The following LRRC7 variants were observed in gnomAD, a reference collection of about 807,000 sequenced individuals.
LRRC7 encodes the protein leucine-rich repeat-containing protein 7.
LRRC7 carries 23 observed loss-of-function variants against 175.7 expected under a neutral mutation model. The ratio of observed to expected loss-of-function variants is 0.13; its 90% confidence interval spans 0.09 to 0.19. The LOEUF (loss-of-function observed/expected upper bound fraction) is 0.19, where lower values mean the gene tolerates loss of function less well. Among genes scored for constraint, LRRC7 ranks in the 10% least tolerant of loss-of-function variants. The pLI is 1.00. For synonymous variants in LRRC7, 685 were observed against 680.9 expected (o/e 1.01, Z -0.09); for missense variants, 1,354 against 1,904.7 (o/e 0.71, Z 5.38).
chr1:69,742,580 T>G (rs955125522), intron 2 of LRRC7, among the ~76,000 whole-genome samples: 1 of 151,960 alleles, frequency 6.6e-6, no homozygotes, highest in Non-Finnish European at 1.5e-5. Context: ...CTGTGAGATA[T>G]CTCAGCAACC....
At chr1:70,009,911 A>G (rs902636973) in intron 11 of LRRC7, among the ~76,000 whole-genome samples, 2 of 152,218 alleles carry the variant, frequency 1.3e-5, no homozygotes, top group East Asian at 3.9e-4. Flanking sequence ...GCTTAGCTGC[A>G]CACAGACTTG....
intron 2 of LRRC7, among the ~76,000 whole-genome samples, chr1:69,718,034 AGAAAG>A (rs561488431): frequency 1.2e-3 from 182 of 149,176 alleles, no homozygotes; most frequent in Admixed American, 2.7e-3. Context: ...AAGAAAAAGA[AGAAAG>A]GAGAGGGAGA....
chr1:69,610,344 A>G (rs533101755), intron 1 of LRRC7, among the ~76,000 whole-genome samples: 46 of 152,142 alleles, frequency 3.0e-4, no homozygotes, highest in African/African-American at 9.9e-4. Flanking sequence ...TATTTTATCT[A>G]TGGTGCTGTG....
chr1:69,982,508 T>TC (rs1394021327), intron 9 of LRRC7, among the ~76,000 whole-genome samples: 77 of 152,332 alleles, frequency 5.1e-4, no homozygotes, highest in African/African-American at 1.8e-3. Flanking sequence ...AGAAGCACAT[T>TC]CATTTTTTTC....
chr1:70,089,756 C>T lies in LRRC7; in HGVS notation c.4482C>T (p.Gly1494=). The stretch of plus-strand genomic sequence containing the variant: ...GTGTGAGAATAGAAAAGAATCCTGG[C>T]CTTGGATTTAGTATCAGTGGTGGAA... ...QFCVRIEKNP[G]LGFSISGGIS... is the part of the protein sequence containing the mutation. Residue 1494 remains glycine (G), a synonymous_variant, in exon 25 of 27, where the codon GGC becomes GGT. Transcript: ENST00000651989. 7 of 1,609,494 alleles carry T rather than the reference C, an allele frequency of 4.3e-6. No individual in the cohort carries two copies. Among genetic ancestry groups the T allele is most frequent in the Non-Finnish European group, 5.9e-6 (7 of 1,177,220 alleles).
chr1:70,001,553 C>T (rs1655522502), intron 11 of LRRC7, among the ~76,000 whole-genome samples: 1 of 152,090 alleles, frequency 6.6e-6, no homozygotes, highest in African/African-American at 2.4e-5. Context: ...CTATCTGTAA[C>T]TTGGGGCAAT....
chr1:69,966,073 A>C (rs1168322119), intron 8 of LRRC7, among the ~76,000 whole-genome samples: 1 of 152,180 alleles, frequency 6.6e-6, no homozygotes, highest in Non-Finnish European at 1.5e-5. Context: ...AAAGAAATAA[A>C]AAGTTATACC....
In LRRC7 at chr1:70,122,993, A is replaced by G. The variant is rs1666287981; in HGVS notation, c.*1106A>G. On this transcript the variant is annotated 3_prime_UTR_variant, in exon 27 of 27. Coordinates refer to ENST00000651989, the MANE Select transcript of LRRC7 (RefSeq NM_001370785.2). Reference sequence around the variant, plus strand: ...CTCAGAGCTGTGGTCTACCTGTATCATTAATTTCAATGGCTGTTTTTCTGG... The same window carrying G: ...CTCAGAGCTGTGGTCTACCTGTATCGTTAATTTCAATGGCTGTTTTTCTGG... 6.6e-6 allele frequency: 1 copy of G among 152,570 alleles called. No individual in the cohort carries two copies. The highest frequency in any genetic ancestry group is 2.4e-5 in the African/African-American group (1 of 41,464). 9.5% of individuals were successfully genotyped at this position (152,570 alleles called of 1,614,324 possible).
intron 3 of LRRC7, among the ~76,000 whole-genome samples, chr1:69,781,172 G>A (rs1447571048): frequency 6.6e-6 from 1 of 151,978 alleles, no homozygotes; most frequent in Non-Finnish European, 1.5e-5. Flanking sequence ...ACATATACTC[G>A]TATTTACTCT....
At chr1:69,718,218 T>C (rs930349005) in intron 2 of LRRC7, among the ~76,000 whole-genome samples, 1 of 144,908 alleles carries the variant, frequency 6.9e-6, no homozygotes, top group Non-Finnish European at 1.5e-5. Context: ...GGTAGCAATA[T>C]GAGACTAGAC....
At chr1:69,814,609 G>C (rs1431700368) in intron 4 of LRRC7, among the ~76,000 whole-genome samples, 1 of 152,044 alleles carries the variant, frequency 6.6e-6, no homozygotes, top group East Asian at 1.9e-4. Flanking sequence ...CTGGTACTTG[G>C]TCACCTTTCC....
At chr1:69,899,961 G>A (rs1481670737) in intron 7 of LRRC7, among the ~76,000 whole-genome samples, 1 of 152,100 alleles carries the variant, frequency 6.6e-6, no homozygotes, top group East Asian at 1.9e-4. Flanking sequence ...TTCTGTTACA[G>A]CAGCACAAAC....
intron 2 of LRRC7, among the ~76,000 whole-genome samples, chr1:69,758,720 G>C (rs576212433): frequency 1.3e-4 from 19 of 151,846 alleles, no homozygotes; most frequent in African/African-American, 4.6e-4. Flanking sequence ...CCATGTTTGC[G>C]CAGTGTTTAG....
chr1:69,820,794 C>A (rs1295127440), intron 4 of LRRC7, among the ~76,000 whole-genome samples: 2 of 152,144 alleles, frequency 1.3e-5, no homozygotes, highest in Non-Finnish European at 2.9e-5. Flanking sequence ...CAAGACTTTG[C>A]TATTGCGAAC....
chr1:69,644,613 G>A (rs1278504649), intron 1 of LRRC7, among the ~76,000 whole-genome samples: 1 of 151,802 alleles, frequency 6.6e-6, no homozygotes, highest in Non-Finnish European at 1.5e-5. Context: ...ACTATTAAAG[G>A]AAGAAATATT....
At chr1:69,988,892 C>A (rs1388276135) in intron 10 of LRRC7, among the ~76,000 whole-genome samples, 1 of 152,018 alleles carries the variant, frequency 6.6e-6, no homozygotes, top group African/African-American at 2.4e-5. Context: ...AAACATTCAC[C>A]CTCACAAATG....
At chr1:69,641,317 T>G (rs574939150) in intron 1 of LRRC7, among the ~76,000 whole-genome samples, 1 of 151,690 alleles carries the variant, frequency 6.6e-6, no homozygotes, top group Non-Finnish European at 1.5e-5. Flanking sequence ...ACCTTTTACA[T>G]GGGCAGTACT....
At chr1:69,929,829 A>T (rs987306095) in intron 7 of LRRC7, among the ~76,000 whole-genome samples, 27 of 152,134 alleles carry the variant, frequency 1.8e-4, no homozygotes, top group African/African-American at 6.5e-4. Context: ...AAGTCTCTAC[A>T]TTGTGCTGTA....
intron 3 of LRRC7, among the ~76,000 whole-genome samples, chr1:69,789,980 A>G (rs1674925764): frequency 6.6e-6 from 1 of 152,062 alleles, no homozygotes; most frequent in African/African-American, 2.4e-5. Context: ...TGATTATAAG[A>G]CACATCCATA....
Sources: allele counts gnomAD v4.1 joint callset (sites outside exome capture counted in the v4.1 genomes callset), GRCh38; gene constraint gnomAD v4.1.1; transcripts MANE v1.5; gene names NCBI Gene and HGNC (gene_info 2026-07-23, HGNC 2026-07-21).